RAB3A: variants seen among roughly 807,000 people sequenced by gnomAD.
RAB3A encodes the protein RAB3A, member RAS oncogene family, also known as ras-related protein Rab-3A.
Under a neutral mutation model 19.7 loss-of-function variants are expected in RAB3A, and 5 were observed. The ratio of observed to expected loss-of-function variants is 0.25; its 90% CI spans 0.13 to 0.53. The LOEUF is 0.53. Ranked by LOEUF, RAB3A falls within the 20% of genes least tolerant of loss-of-function variation. RAB3A has a pLI of 0.95. For missense variants in RAB3A, 189 were observed against 305.6 expected (o/e 0.62, Z 2.85); for synonymous variants, 119 against 122.1 (o/e 0.97, Z 0.17).
chr19:18,202,962 G>C lies in RAB3A; in HGVS notation c.1-222C>G. ...CAGAGGAGGGGCTCAGAGGGTTGCC[G>C]ATGGGGACACCCCAGCAGCCCCCTT... is the stretch of plus-strand genomic sequence containing the variant. On this transcript the variant is annotated intron_variant, in intron 1 of 4. Coordinates refer to ENST00000222256, the MANE Select transcript of RAB3A (RefSeq NM_002866.5). This position sits in a 1 kb window ranked among gnomAD's most constrained non-coding sequence, Gnocchi z 4.2. The C allele has an allele frequency of 3.7e-6, 2 of 534,384 alleles. 1 individual carries two copies. The allele number at this position is 534,384 out of a possible 1,614,324, so 33.1% of individuals were successfully genotyped here.
At chr19:18,198,374 C>G (rs1967563390) in intron 4 of RAB3A, among the ~76,000 whole-genome samples, 1 of 152,134 alleles carries the variant, frequency 6.6e-6, no homozygotes, top group African/African-American at 2.4e-5. Context: ...CCTGAAAGAC[C>G]CTTCTTCACT....
rs2147983552 is a variant in RAB3A, at chr19:18,202,109, C to G, written c.228+404G>C. On this transcript the variant is annotated intron_variant, in intron 2 of 4. Transcript: ENST00000222256. The surrounding 1 kb of genome is among the most constrained non-coding windows in gnomAD (Gnocchi z 4.2). Reference sequence around the variant, plus strand: ...ATCAGCAGGCGTGGTGGTAGAAGCCCGTGGTCCTAGCTACTCAGGAGGCTC... The same window carrying G: ...ATCAGCAGGCGTGGTGGTAGAAGCCGGTGGTCCTAGCTACTCAGGAGGCTC... Among the ~76,000 whole-genome samples, 1 of 152,096 alleles carries G rather than the reference C, an allele frequency of 6.6e-6. No homozygotes were observed.
At position 18,197,432 on chromosome 19, in the gene RAB3A, G is replaced by A. The variant is rs747395942; in HGVS notation, c.*38C>T. 2 of 1,583,364 alleles carry A rather than the reference G, an allele frequency of 1.3e-6. No individual in the cohort carries two copies. Among genetic ancestry groups the A allele is most frequent in the Non-Finnish European group, 8.6e-7 (1 of 1,161,918 alleles). On this transcript the variant is annotated 3_prime_UTR_variant, in exon 5 of 5. Transcript: ENST00000222256. Reference sequence around the variant, plus strand: ...GGCCCGGGTAGTTGGGGGAAGGTGGGGAAGACAGGGAAGAGGGGAAAGGGA... The same window carrying A: ...GGCCCGGGTAGTTGGGGGAAGGTGGAGAAGACAGGGAAGAGGGGAAAGGGA...
chr19:18,197,919 C>T (rs1466741626), intron 4 of RAB3A, among the ~76,000 whole-genome samples: 1 of 139,374 alleles, frequency 7.2e-6, no homozygotes, highest in East Asian at 2.0e-4. Context: ...TGCTCTGCTG[C>T]CCAGGATGGA....
chr19:18,197,319 ATAAAT>A lies in RAB3A; in HGVS notation c.*146_*150del, dbSNP rs1173073049. On this transcript the variant is annotated 3_prime_UTR_variant, in exon 5 of 5. Transcript: ENST00000222256. ...GGCCCCTGGGGGACATCTTCAATAA[ATAAAT>A]AAATAGCTACAATAATAAATAAGGG... 2 of 743,532 alleles carry A rather than the reference ATAAAT, an allele frequency of 2.7e-6. No individual in the cohort carries two copies. Among genetic ancestry groups the A allele is most frequent in the Non-Finnish European group, 4.2e-6 (2 of 476,714 alleles). The allele number at this position is 743,532 out of a possible 1,614,324, so 46.1% of individuals were successfully genotyped here.
chr19:18,202,229 C>A lies in RAB3A; in HGVS notation c.228+284G>T, dbSNP rs1408490873. On this transcript the variant is annotated intron_variant, in intron 2 of 4. Coordinates refer to ENST00000222256, the MANE Select transcript of RAB3A (RefSeq NM_002866.5). The surrounding 1 kb of genome is among the most constrained non-coding windows in gnomAD (Gnocchi z 4.2). ...GCCTAGGGGACAGAGCAAGACCACC[C>A]TGTCTCAAAAAACAAACAAAAAAAG... The A allele has an allele frequency of 2.6e-6, 1 of 379,684 alleles. No homozygotes were observed. The highest frequency in any genetic ancestry group is 5.0e-6 in the Non-Finnish European group (1 of 200,376). The allele number at this position is 379,684 out of a possible 1,614,324, so 23.5% of individuals were successfully genotyped here. A position where few individuals can be genotyped will look rare whatever the true frequency, so the allele number is the denominator to read the frequency against.
At chr19:18,203,331 T>C (rs112706661) in intron 1 of RAB3A, among the ~76,000 whole-genome samples, 2 of 152,124 alleles carry the variant, frequency 1.3e-5, no homozygotes, top group Non-Finnish European at 2.9e-5. Flanking sequence ...AGACACCTGT[T>C]TGCACACCGA....
chr19:18,200,928 C>T (rs1967599792), intron 2 of RAB3A, among the ~76,000 whole-genome samples: 1 of 148,808 alleles, frequency 6.7e-6, no homozygotes, highest in African/African-American at 2.5e-5. Flanking sequence ...GAGTGAAACC[C>T]TGTCTCAAAA....
rs760312060 is a variant in RAB3A, at chr19:18,202,316, T to C, written c.228+197A>G. The C allele has an allele frequency of 7.0e-5, 39 of 554,448 alleles. No individual in the cohort carries two copies. The highest frequency in any genetic ancestry group is 1.1e-4 in the Non-Finnish European group (35 of 309,416). 34.3% of individuals were successfully genotyped at this position (554,448 alleles called of 1,614,324 possible). A position where few individuals can be genotyped will look rare whatever the true frequency, so the allele number is the denominator to read the frequency against. On this transcript the variant is annotated intron_variant, in intron 2 of 4. Coordinates refer to ENST00000222256, the MANE Select transcript of RAB3A (RefSeq NM_002866.5). This position sits in a 1 kb window ranked among gnomAD's most constrained non-coding sequence, Gnocchi z 4.2. ...TGGAAGAACTTGAAGATGGGGAAAC[T>C]GAGGGACCAGGATTAGGTGCTTATG... is the stretch of plus-strand genomic sequence containing the variant.
At chr19:18,201,257 AAAAAAAAAAG>A (rs1291434714) in intron 2 of RAB3A, among the ~76,000 whole-genome samples, 1 of 142,976 alleles carries the variant, frequency 7.0e-6, no homozygotes, top group Non-Finnish European at 1.5e-5. Flanking sequence ...AACAAAAAAA[AAAAAAAAAAG>A]AAAGAAAGAA....
Position 18,202,901 on chromosome 19 carries a change from A to G in RAB3A, c.1-161T>C. On this transcript the variant is annotated intron_variant, in intron 1 of 4. Coordinates refer to ENST00000222256, the MANE Select transcript of RAB3A (RefSeq NM_002866.5). The surrounding 1 kb of genome is among the most constrained non-coding windows in gnomAD (Gnocchi z 4.2). ...AGTATTAATTGGTGGTGCCCCCAGC[A>G]GAGGGCAGCCTGTGACCTTGAAATC... 1 of 606,882 alleles carries G rather than the reference A, an allele frequency of 1.6e-6. No individual in the cohort carries two copies. The highest frequency in any genetic ancestry group is 1.9e-5 in the South Asian group (1 of 51,830). The allele number at this position is 606,882 out of a possible 1,614,324, so 37.6% of individuals were successfully genotyped here. A position where few individuals can be genotyped will look rare whatever the true frequency, so the allele number is the denominator to read the frequency against.
chr19:18,201,263 A>AGAAAGAAAGAAAGAAAGAAAGAAAG (rs1555819265), intron 2 of RAB3A, among the ~76,000 whole-genome samples: 2 of 121,778 alleles, frequency 1.6e-5, no homozygotes, highest in African/African-American at 6.3e-5. Context: ...AAAAAAAAAA[A>AGAAAGAAAGAAAGAAAGAAAGAAAG]AAAGAAAGAA....
rs374328986 is a variant in RAB3A at position 18,202,485 on chromosome 19, G to A, written c.228+28C>T. On this transcript the variant is annotated intron_variant, in intron 2 of 4. Coordinates refer to ENST00000222256, the MANE Select transcript of RAB3A (RefSeq NM_002866.5). This position sits in a 1 kb window ranked among gnomAD's most constrained non-coding sequence, Gnocchi z 4.2. ...CCAAGTACGGGAATCCAACCGAGCC[G>A]GGCGGGAGCCCTCCAGCTGGGACCC... 14 of 1,600,926 alleles carry A rather than the reference G, an allele frequency of 8.7e-6. No individual in the cohort carries two copies. In the African/African-American group the frequency reaches 1.1e-4, roughly 12 times the overall value.
intron 1 of RAB3A, among the ~76,000 whole-genome samples, chr19:18,203,200 G>A (rs1967639479): frequency 6.6e-6 from 1 of 152,242 alleles, no homozygotes; most frequent in South Asian, 2.1e-4. Context: ...CTCCGGCCAA[G>A]GCCGCTGCAT....
chr19:18,203,004 C>G (rs1967635751), intron 1 of RAB3A: 2 of 454,754 alleles, frequency 4.4e-6, no homozygotes, highest in Non-Finnish European at 8.0e-6. Flanking sequence ...GCAGGTGCCC[C>G]AGGTGGGGCT....
rs1967624040 is a variant in RAB3A, at chr19:18,202,261, G to A, written c.228+252C>T. ...AAAAAACAAACAAAAAAAGAGAATG[G>A]GGACCAAGATCCAGCTGAAACCTCA... On this transcript the variant is annotated intron_variant, in intron 2 of 4. Transcript: ENST00000222256. The surrounding 1 kb of genome is among the most constrained non-coding windows in gnomAD (Gnocchi z 4.2). 6.7e-6 allele frequency: 3 copies of A among 449,840 alleles called. No homozygotes were observed. The highest frequency in any genetic ancestry group is 8.1e-6 in the Non-Finnish European group (2 of 245,594). The allele number at this position is 449,840 out of a possible 1,614,324, so 27.9% of individuals were successfully genotyped here.
intron 3 of RAB3A, 37 bp from the exon 4 acceptor site, chr19:18,198,886 G>A (rs377450582): frequency 2.4e-4 from 378 of 1,604,798 alleles, no homozygotes; most frequent in Non-Finnish European, 3.0e-4. Flanking sequence ...TCAGGGCTTG[G>A]AGGATCCCAG....
chr19:18,198,871 G>A (rs922626799), intron 3 of RAB3A, 22 bp from the exon 4 acceptor site: 9 of 1,610,756 alleles, frequency 5.6e-6, no homozygotes, highest in Non-Finnish European at 7.6e-6. Flanking sequence ...ACCAATGGGG[G>A]CAGGTCAGGG....
chr19:18,197,713 C>G, intron 4 of RAB3A, 53 bp from the exon 5 acceptor site: 1 of 1,455,600 alleles, frequency 6.9e-7, no homozygotes, highest in South Asian at 1.3e-5. Flanking sequence ...TATGCCAACT[C>G]CCAGAGATGC....
Sources: allele counts gnomAD v4.1 joint callset (sites outside exome capture counted in the v4.1 genomes callset), GRCh38; gene constraint gnomAD v4.1.1; non-coding constraint Gnocchi (gnomAD v3.1); transcripts MANE v1.5; gene names NCBI Gene and HGNC (gene_info 2026-07-23, HGNC 2026-07-21).